CDKAL1: variants seen among roughly 807,000 people sequenced by gnomAD.
The protein encoded by CDKAL1 is CDKAL1 threonylcarbamoyladenosine tRNA methylthiotransferase, also known as threonylcarbamoyladenosine tRNA methylthiotransferase.
In CDKAL1, 32 loss-of-function variants were observed where a neutral mutation model predicts 68.2. The observed-to-expected ratio is 0.47, with a 90% CI of 0.35 to 0.63. CDKAL1 has a LOEUF of 0.63. Among genes scored for constraint, CDKAL1 ranks in the 30% least tolerant of loss-of-function variants. The pLI, the probability that CDKAL1 is intolerant of heterozygous loss-of-function variation, is 0.00. For synonymous variants in CDKAL1, 234 were observed against 244.3 expected (o/e 0.96, Z 0.39); for missense variants, 606 against 696.7 (o/e 0.87, Z 1.47).
At chr6:21,160,237 C>T (rs1776846554) in intron 13 of CDKAL1, among the ~76,000 whole-genome samples, 1 of 152,090 alleles carries the variant, frequency 6.6e-6, no homozygotes, top group Non-Finnish European at 1.5e-5. Flanking sequence ...CCTGAGCAGT[C>T]ACCTTTTTGT....
chr6:21,230,215 G>A (rs1225704584), intron 15 of CDKAL1, among the ~76,000 whole-genome samples: 1 of 152,208 alleles, frequency 6.6e-6, no homozygotes, highest in Non-Finnish European at 1.5e-5. Context: ...AGGCTGGAGT[G>A]CAGCAGCGCA....
At chr6:21,131,755 T>C (rs1428904045) in intron 13 of CDKAL1, among the ~76,000 whole-genome samples, 2 of 152,230 alleles carry the variant, frequency 1.3e-5, no homozygotes, top group African/African-American at 4.8e-5. Flanking sequence ...CGATTTGAAG[T>C]AGTTTCAGGG....
intron 8 of CDKAL1, among the ~76,000 whole-genome samples, chr6:20,812,113 A>AT (rs1471550611): frequency 2.6e-5 from 4 of 152,260 alleles, no homozygotes; most frequent in Non-Finnish European, 4.4e-5. Context: ...TCTGAAAAGA[A>AT]TTTTTTTAAA....
chr6:20,648,919 A>G (rs35392790), intron 4 of CDKAL1, among the ~76,000 whole-genome samples: 33,885 of 152,180 alleles, frequency 0.22, 4,070 homozygotes, highest in African/African-American at 0.27. Context: ...TATTCAGTGT[A>G]CACTCTGTGC....
rs553660070 is a variant in CDKAL1, at chr6:21,069,951, G to A, written c.1236+4723G>A. Among the ~76,000 whole-genome samples, 12 of 151,438 alleles carry A rather than the reference G, an allele frequency of 7.9e-5. No homozygotes were observed. The South Asian group carries it at 1.5e-3, about 18-fold the overall frequency. ...ACTACAGGCGCCCGCCACCACGCCC[G>A]GCTAATTTTTTTGTATTTTTAGTAG... On this transcript the variant is annotated intron_variant, in intron 12 of 15. Coordinates refer to ENST00000274695, the MANE Select transcript of CDKAL1 (RefSeq NM_017774.3).
At chr6:21,206,661 G>A (rs888578068) in intron 15 of CDKAL1, among the ~76,000 whole-genome samples, 10 of 152,170 alleles carry the variant, frequency 6.6e-5, no homozygotes, top group African/African-American at 2.4e-4. Flanking sequence ...TAGCATCGTG[G>A]AAGATTGAAA....
intron 9 of CDKAL1, among the ~76,000 whole-genome samples, chr6:20,863,202 T>G (rs996368039): frequency 1.3e-5 from 2 of 152,190 alleles, no homozygotes; most frequent in Non-Finnish European, 2.9e-5. Context: ...TGGGTCCCAC[T>G]GAGTAGAAAT....
At chr6:20,893,869 T>G (rs1307873466) in intron 9 of CDKAL1, among the ~76,000 whole-genome samples, 1 of 152,178 alleles carries the variant, frequency 6.6e-6, no homozygotes, top group African/African-American at 2.4e-5. Flanking sequence ...ATGATGATCA[T>G]GAGTAATTGT....
intron 11 of CDKAL1, among the ~76,000 whole-genome samples, chr6:21,046,637 T>C (rs1770246198): frequency 6.6e-6 from 1 of 152,212 alleles, no homozygotes. Flanking sequence ...GCCAAATGTG[T>C]ATCCAAGAGG....
At chr6:20,560,090 A>G (rs1764209307) in intron 4 of CDKAL1, among the ~76,000 whole-genome samples, 1 of 152,164 alleles carries the variant, frequency 6.6e-6, no homozygotes, top group Non-Finnish European at 1.5e-5. Context: ...TAAAGACATG[A>G]TGTATTTTTA....
intron 10 of CDKAL1, among the ~76,000 whole-genome samples, chr6:20,976,687 A>G (rs756008338): frequency 2.6e-5 from 4 of 152,200 alleles, no homozygotes; most frequent in Non-Finnish European, 5.9e-5. Context: ...AGAGACCTCT[A>G]TTCTGAATTG....
rs76391196 is a variant in CDKAL1 at position 20,996,961 on chromosome 6, G to A, written c.910-3266G>A. 1.2e-3 allele frequency among the ~76,000 whole-genome samples: 179 copies of A among 152,254 alleles called. 6 individuals carry two copies. In the East Asian group the frequency reaches 0.033, roughly 28 times the overall value. The stretch of plus-strand genomic sequence containing the variant: ...TGAATATATGTTTGTTTACCTGGTC[G>A]AGCCAAACTGAAATATTACTGAATG... On this transcript the variant is annotated intron_variant, in intron 10 of 15. Coordinates refer to ENST00000274695, the MANE Select transcript of CDKAL1 (RefSeq NM_017774.3).
chr6:21,126,151 T>C (rs1430395494), intron 13 of CDKAL1, among the ~76,000 whole-genome samples: 1 of 152,244 alleles, frequency 6.6e-6, no homozygotes, highest in East Asian at 1.9e-4. Flanking sequence ...CAGCAGTGTT[T>C]CCACAGTATT....
chr6:21,127,032 A>G (rs1775047966), intron 13 of CDKAL1, among the ~76,000 whole-genome samples: 1 of 152,208 alleles, frequency 6.6e-6, no homozygotes, highest in South Asian at 2.1e-4. Flanking sequence ...GAGAGATGGC[A>G]TCTGTCCTGG....
At chr6:20,782,661 A>G (rs1438694805) in intron 8 of CDKAL1, among the ~76,000 whole-genome samples, 1 of 152,158 alleles carries the variant, frequency 6.6e-6, no homozygotes, top group African/African-American at 2.4e-5. Flanking sequence ...TTTGTATTTT[A>G]ATGGTCTCTC....
intron 5 of CDKAL1, among the ~76,000 whole-genome samples, chr6:20,709,958 C>T (rs962264587): frequency 4.6e-5 from 7 of 152,066 alleles, no homozygotes; most frequent in Admixed American, 2.0e-4. Context: ...GGAGTTATAG[C>T]GATTAGCTTG....
chr6:21,018,310 A>G (rs893683643), intron 11 of CDKAL1, among the ~76,000 whole-genome samples: 1 of 152,208 alleles, frequency 6.6e-6, no homozygotes. Context: ...AATTTTGTCA[A>G]ATGTATGCAG....
chr6:20,857,162 G>T (rs1241306179), intron 9 of CDKAL1, among the ~76,000 whole-genome samples: 2 of 152,124 alleles, frequency 1.3e-5, no homozygotes, highest in African/African-American at 2.4e-5. Context: ...TTCTCGTGGT[G>T]AGTTCCAACA....
intron 9 of CDKAL1, among the ~76,000 whole-genome samples, chr6:20,856,040 A>G (rs1161345948): frequency 1.3e-5 from 2 of 152,216 alleles, no homozygotes; most frequent in Non-Finnish European, 2.9e-5. Context: ...TCAAATAAGC[A>G]AATAATGAAG....
Sources: allele counts gnomAD v4.1 joint callset (sites outside exome capture counted in the v4.1 genomes callset), GRCh38; gene constraint gnomAD v4.1.1; transcripts MANE v1.5; gene names NCBI Gene and HGNC (gene_info 2026-07-23, HGNC 2026-07-21).